The following CAP2 variants were observed in gnomAD, a reference collection of about 807,000 sequenced individuals.
CAP2 encodes the protein adenylyl cyclase-associated protein 2.
In CAP2, 24 loss-of-function variants were observed where a neutral mutation model predicts 57.7. The ratio of observed to expected loss-of-function variants is 0.42; its 90% CI spans 0.30 to 0.58. The LOEUF (loss-of-function observed/expected upper bound fraction) is 0.58. Ranked by LOEUF, CAP2 falls within the 20% of genes least tolerant of loss-of-function variation. CAP2 has a pLI of 0.22. For missense variants in CAP2, 501 were observed against 590.3 expected, an observed-to-expected ratio of 0.85 and a Z score of 1.57; for synonymous variants, 194 against 207.2, an observed-to-expected ratio of 0.94 and a Z score of 0.55.
intron 1 of CAP2, among the ~76,000 whole-genome samples, chr6:17,397,448 A>T (rs1173499959): frequency 6.6e-6 from 1 of 151,894 alleles, no homozygotes; most frequent in Admixed American, 6.5e-5. Context: ...TAATCCCAAC[A>T]TTTTGGGAGG....
chr6:17,431,374 T>C (rs1383973839), intron 3 of CAP2, among the ~76,000 whole-genome samples: 1 of 152,102 alleles, frequency 6.6e-6, no homozygotes, highest in Non-Finnish European at 1.5e-5. Flanking sequence ...AACCACAATT[T>C]GAACAAAAGG....
intron 7 of CAP2, among the ~76,000 whole-genome samples, chr6:17,526,684 G>A (rs1045104535): frequency 1.9e-4 from 29 of 152,198 alleles, no homozygotes; most frequent in South Asian, 2.1e-4. Context: ...CAGGCTGGGC[G>A]TAGTGGCTCC....
chr6:17,413,720 G>A (rs1246951509), intron 1 of CAP2, among the ~76,000 whole-genome samples: 4 of 152,082 alleles, frequency 2.6e-5, no homozygotes. Context: ...TAGTTTCCTG[G>A]GAAATAAAAG....
chr6:17,536,526 T>A (rs1406051102), intron 7 of CAP2, among the ~76,000 whole-genome samples: 7 of 152,334 alleles, frequency 4.6e-5, no homozygotes, highest in Non-Finnish European at 1.5e-5. Flanking sequence ...ATTAAATGCT[T>A]TGTCTCGCGT....
chr6:17,420,171 C>A (rs1759400916), intron 1 of CAP2, among the ~76,000 whole-genome samples: 1 of 152,112 alleles, frequency 6.6e-6, no homozygotes, highest in Non-Finnish European at 1.5e-5. Flanking sequence ...CACCCAGTCA[C>A]CCTGCCCCAT....
At chr6:17,396,846 A>G (rs563987541) in intron 1 of CAP2, among the ~76,000 whole-genome samples, 2 of 152,334 alleles carry the variant, frequency 1.3e-5, no homozygotes, top group East Asian at 1.9e-4. Context: ...GTTAAAGAAA[A>G]TAAACAGAAA....
rs10673999 is a variant in CAP2 at position 17,556,996 on chromosome 6, A to ATT, written c.*554_*555insTT. On this transcript the variant is annotated 3_prime_UTR_variant, in exon 13 of 13. Transcript: ENST00000229922. Reference sequence around the variant, plus strand: ...GCTTGTAAAAGACATAAGAGTTTATAAAGGACCAAATTCAGTTCCTTGGTC... The same window carrying ATT: ...GCTTGTAAAAGACATAAGAGTTTATATTAAGGACCAAATTCAGTTCCTTGGTC... The ATT allele has an allele frequency of 0.59, 89,421 of 152,090 alleles. 26,738 individuals are homozygous for ATT. The highest frequency in any genetic ancestry group is 0.7 in the African/African-American group (29,154 of 41,370). 9.4% of individuals were successfully genotyped at this position (152,090 alleles called of 1,614,324 possible). A position where few individuals can be genotyped will look rare whatever the true frequency, so the allele number is the denominator to read the frequency against.
At chr6:17,427,886 C>T (rs767377036) in intron 3 of CAP2, among the ~76,000 whole-genome samples, 2 of 152,134 alleles carry the variant, frequency 1.3e-5, no homozygotes, top group African/African-American at 2.4e-5. Flanking sequence ...TGAAATAAGC[C>T]AGACACAAAA....
intron 7 of CAP2, among the ~76,000 whole-genome samples, chr6:17,534,345 T>C (rs1196285238): frequency 6.6e-6 from 1 of 152,222 alleles, no homozygotes; most frequent in African/African-American, 2.4e-5. Context: ...TCCAACCATA[T>C]AGCTTGTGTT....
intron 11 of CAP2, among the ~76,000 whole-genome samples, chr6:17,549,787 G>T (rs1763129496): frequency 6.6e-6 from 1 of 152,156 alleles, no homozygotes; most frequent in South Asian, 2.1e-4. Flanking sequence ...GTGAAACAAT[G>T]AGAACCCTGA....
At chr6:17,511,823 C>A (rs7744716) in intron 6 of CAP2, among the ~76,000 whole-genome samples, 53,812 of 151,926 alleles carry the variant, frequency 0.35, 11,040 homozygotes, top group Non-Finnish European at 0.46. Context: ...CTCTCTGAGT[C>A]ATAATCATTA....
At chr6:17,534,015 A>G (rs1373242541) in intron 7 of CAP2, among the ~76,000 whole-genome samples, 2 of 152,190 alleles carry the variant, frequency 1.3e-5, no homozygotes, top group African/African-American at 4.8e-5. Context: ...TGTATGGATC[A>G]CTGCTCCTTA....
At chr6:17,466,167 C>G (rs542050370) in intron 4 of CAP2, among the ~76,000 whole-genome samples, 17 of 152,274 alleles carry the variant, frequency 1.1e-4, no homozygotes, top group African/African-American at 4.1e-4. Context: ...TAATGCAGAT[C>G]GTATTTTCTC....
intron 6 of CAP2, among the ~76,000 whole-genome samples, chr6:17,510,623 C>T (rs9477460): frequency 0.035 from 5,258 of 152,264 alleles, 122 homozygotes; most frequent in Middle Eastern, 0.061. Context: ...CTGTGCGGCA[C>T]GCATGAGAAA....
chr6:17,449,494 C>T (rs1050609193), intron 3 of CAP2, among the ~76,000 whole-genome samples: 1 of 152,052 alleles, frequency 6.6e-6, no homozygotes, highest in Non-Finnish European at 1.5e-5. Context: ...GCAACCTCCG[C>T]CTCTTGGGTT....
At chr6:17,465,490 A>G (rs1309501640) in intron 4 of CAP2, among the ~76,000 whole-genome samples, 1 of 152,218 alleles carries the variant, frequency 6.6e-6, no homozygotes, top group Non-Finnish European at 1.5e-5. Flanking sequence ...GAGCAGGCTT[A>G]TGATGCCTAC....
chr6:17,556,027 G>C (rs1482302915), intron 12 of CAP2, among the ~76,000 whole-genome samples: 1 of 152,202 alleles, frequency 6.6e-6, no homozygotes, highest in Non-Finnish European at 1.5e-5. Context: ...GTTTCCTACA[G>C]ATGGCATCCC....
chr6:17,466,208 T>A (rs374469884), intron 4 of CAP2, among the ~76,000 whole-genome samples: 2 of 152,358 alleles, frequency 1.3e-5, no homozygotes, highest in East Asian at 3.9e-4. Flanking sequence ...CATTTGTGTC[T>A]TACTGTCCTC....
intron 1 of CAP2, among the ~76,000 whole-genome samples, chr6:17,419,423 G>A (rs1759372572): frequency 6.6e-6 from 1 of 152,178 alleles, no homozygotes; most frequent in African/African-American, 2.4e-5. Flanking sequence ...GAGGCTTGTT[G>A]TCGTCTCTTA....
Sources: gnomAD v4.1 joint callset for allele counts (sites outside exome capture counted in the v4.1 genomes callset) on GRCh38, gnomAD v4.1.1 for gene constraint, MANE v1.5 for transcripts, NCBI Gene and HGNC (gene_info 2026-07-23, HGNC 2026-07-21) for gene names.